The following GRIK2 variants were observed in gnomAD, a reference collection of about 807,000 sequenced individuals.
GRIK2 encodes the protein glutamate receptor ionotropic, kainate 2.
Under a neutral mutation model 100.3 loss-of-function variants are expected in GRIK2, and 32 were observed. The ratio of observed to expected loss-of-function variants is 0.32; its 90% CI spans 0.24 to 0.43. The LOEUF (loss-of-function observed/expected upper bound fraction) is 0.43. Among genes scored for constraint, GRIK2 ranks in the 20% least tolerant of loss-of-function variants. The pLI is 1.00. For missense variants in GRIK2, 843 were observed against 1,114.9 expected, an observed-to-expected ratio of 0.76 and a Z score of 3.47; for synonymous variants, 417 against 389.4, an observed-to-expected ratio of 1.07 and a Z score of -0.83.
chr6:101,864,064 G>C (rs112206998), intron 11 of GRIK2, among the ~76,000 whole-genome samples: 29,002 of 149,624 alleles, frequency 0.19, 3,477 homozygotes, highest in South Asian at 0.3. Context: ...GTGAACCCGG[G>C]AAGCGGAGCT....
At chr6:101,679,965 C>T (rs530614814) in intron 5 of GRIK2, among the ~76,000 whole-genome samples, 41 of 152,258 alleles carry the variant, frequency 2.7e-4, no homozygotes, top group African/African-American at 9.4e-4. Context: ...GTCTTGAAAT[C>T]CTGACCTCGT....
chr6:101,849,508 G>A (rs1359625626), intron 10 of GRIK2, among the ~76,000 whole-genome samples: 2 of 151,994 alleles, frequency 1.3e-5, no homozygotes, highest in Non-Finnish European at 2.9e-5. Context: ...CACTATTTCT[G>A]TTGCCCATTC....
intron 11 of GRIK2, among the ~76,000 whole-genome samples, chr6:101,873,131 A>G (rs959543782): frequency 4.6e-5 from 7 of 152,044 alleles, no homozygotes; most frequent in African/African-American, 1.4e-4. Context: ...GTTCTAGGGT[A>G]CATGTGCACA....
intron 14 of GRIK2, among the ~76,000 whole-genome samples, chr6:102,006,390 A>ATATATATATATTTTTT (rs1315524835): frequency 1.2e-4 from 14 of 114,100 alleles, no homozygotes; most frequent in Non-Finnish European, 2.0e-4. Context: ...ATATATATAT[A>ATATATATATATTTTTT]TTTTTTTTTT....
chr6:101,586,981 A>G (rs1778405804), intron 2 of GRIK2, among the ~76,000 whole-genome samples: 1 of 151,882 alleles, frequency 6.6e-6, no homozygotes, highest in Non-Finnish European at 1.5e-5. Flanking sequence ...ACAATCTGGG[A>G]AAGAACATGA....
intron 2 of GRIK2, among the ~76,000 whole-genome samples, chr6:101,540,031 A>G (rs1329119760): frequency 6.6e-6 from 1 of 151,418 alleles, no homozygotes; most frequent in Non-Finnish European, 1.5e-5. Flanking sequence ...ATAAAGTAAT[A>G]TTTCTTGGCA....
intron 16 of GRIK2, among the ~76,000 whole-genome samples, chr6:102,067,412 C>T (rs1009807364): frequency 6.6e-5 from 10 of 151,614 alleles, no homozygotes; most frequent in African/African-American, 9.7e-5. Flanking sequence ...ATATTTTCAT[C>T]ATGTTGTCTT....
intron 7 of GRIK2, among the ~76,000 whole-genome samples, chr6:101,769,265 A>C (rs1253694856): frequency 5.3e-5 from 8 of 152,220 alleles, no homozygotes; most frequent in Non-Finnish European, 1.2e-4. Context: ...CATTTGACAT[A>C]AATGAAAGTA....
At chr6:101,875,572 C>T (rs1785767114) in intron 11 of GRIK2, among the ~76,000 whole-genome samples, 1 of 151,624 alleles carries the variant, frequency 6.6e-6, no homozygotes, top group South Asian at 2.1e-4. Context: ...TTATTTATTT[C>T]TGATGAAAAT....
intron 14 of GRIK2, among the ~76,000 whole-genome samples, chr6:102,007,132 T>C (rs549350037): frequency 2.0e-5 from 3 of 152,250 alleles, no homozygotes; most frequent in South Asian, 2.1e-4. Flanking sequence ...ATATACCAAA[T>C]TGAATATGGA....
intron 7 of GRIK2, among the ~76,000 whole-genome samples, chr6:101,704,625 A>G (rs977811295): frequency 2.0e-5 from 3 of 151,514 alleles, no homozygotes; most frequent in African/African-American, 7.3e-5. Context: ...TCTCGCCATT[A>G]TTTTGTGGGC....
intron 2 of GRIK2, among the ~76,000 whole-genome samples, chr6:101,477,188 C>A (rs1238485893): frequency 6.6e-6 from 1 of 152,000 alleles, no homozygotes; most frequent in Non-Finnish European, 1.5e-5. Context: ...TTAAAAGATA[C>A]CTCAAGACAT....
intron 4 of GRIK2, among the ~76,000 whole-genome samples, chr6:101,644,198 G>C (rs1781414000): frequency 6.6e-6 from 1 of 151,864 alleles, no homozygotes. Flanking sequence ...AATGCTAAAA[G>C]AGAGTTATAT....
chr6:101,727,062 G>T (rs951630864), intron 7 of GRIK2, among the ~76,000 whole-genome samples: 9 of 151,904 alleles, frequency 5.9e-5, no homozygotes, highest in Non-Finnish European at 8.8e-5. Flanking sequence ...ATATGTCTCA[G>T]ATTAAATATT....
At chr6:101,778,597 C>G (rs1778889790) in intron 7 of GRIK2, among the ~76,000 whole-genome samples, 1 of 151,830 alleles carries the variant, frequency 6.6e-6, no homozygotes, top group African/African-American at 2.4e-5. Flanking sequence ...TGGAGGTATC[C>G]AAAAGTCATT....
At chr6:101,857,736 A>C (rs2128442425) in intron 10 of GRIK2, among the ~76,000 whole-genome samples, 1 of 152,350 alleles carries the variant, frequency 6.6e-6, no homozygotes, top group South Asian at 2.1e-4. Context: ...CTGCCATACC[A>C]TGTGCAAGTG....
At chr6:101,556,166 A>G (rs1343310877) in intron 2 of GRIK2, among the ~76,000 whole-genome samples, 3 of 151,864 alleles carry the variant, frequency 2.0e-5, no homozygotes, top group Non-Finnish European at 4.4e-5. Context: ...TTTGAAAATT[A>G]TCCGAAGGTA....
At chr6:101,586,512 G>A (rs1582773369) in intron 2 of GRIK2, among the ~76,000 whole-genome samples, 2 of 151,998 alleles carry the variant, frequency 1.3e-5, no homozygotes, top group South Asian at 4.2e-4. Flanking sequence ...GAGACCCATA[G>A]GGAAAAAATT....
At chr6:101,954,640 G>A (rs1791802203) in intron 14 of GRIK2, among the ~76,000 whole-genome samples, 1 of 152,108 alleles carries the variant, frequency 6.6e-6, no homozygotes, top group African/African-American at 2.4e-5. Flanking sequence ...ACAAGATCCT[G>A]TCAACTACAA....
Sources: gnomAD v4.1 joint callset for allele counts (sites outside exome capture counted in the v4.1 genomes callset) on GRCh38, gnomAD v4.1.1 for gene constraint, MANE v1.5 for transcripts, NCBI Gene and HGNC (gene_info 2026-07-23, HGNC 2026-07-21) for gene names.